The following POU6F2 variants were observed in gnomAD, a reference collection of about 807,000 sequenced individuals.
POU6F2 encodes POU domain, class 6, transcription factor 2.
Under a neutral mutation model 71.3 loss-of-function variants are expected in POU6F2, and 31 were observed. The ratio of observed to expected loss-of-function variants is 0.43; its 90% CI spans 0.33 to 0.59. The LOEUF is 0.59. Among genes scored for constraint, POU6F2 ranks in the 20% least tolerant of loss-of-function variants. POU6F2 has a pLI of 0.04. For synonymous variants in POU6F2, 347 were observed against 355.7 expected (o/e 0.98, Z 0.27); for missense variants, 783 against 856.8 (o/e 0.91, Z 1.07).
At chr7:39,351,439 A>G (rs1328562244) in intron 5 of POU6F2, among the ~76,000 whole-genome samples, 1 of 152,134 alleles carries the variant, frequency 6.6e-6, no homozygotes, top group Non-Finnish European at 1.5e-5. Flanking sequence ...AAAAGTTCAA[A>G]CCTGGTGATT....
intron 2 of POU6F2, among the ~76,000 whole-genome samples, chr7:39,137,679 C>T (rs1276678063): frequency 1.3e-5 from 2 of 152,234 alleles, no homozygotes; most frequent in East Asian, 3.8e-4. Flanking sequence ...GATGTCATTT[C>T]ATGCCCAGCT....
At chr7:39,320,015 CTATT>C in intron 4 of POU6F2, among the ~76,000 whole-genome samples, 1 of 152,294 alleles carries the variant, frequency 6.6e-6, no homozygotes, top group Admixed American at 6.5e-5. Context: ...CTAGGCTAGA[CTATT>C]TAAACATGAC....
rs575518224 is a variant in POU6F2 at position 39,370,506 on chromosome 7, C to G, written c.972+30491C>G. On this transcript the variant is annotated intron_variant, in intron 5 of 9. Coordinates refer to ENST00000518318, the MANE Select transcript of POU6F2 (RefSeq NM_001370959.1). ...GAAGAGCCAGAGGAAGACATTGGTG[C>G]GTGTGCTCCTGGATGTCTGAATCAG... 4.0e-5 allele frequency among the ~76,000 whole-genome samples: 6 copies of G among 149,992 alleles called. No homozygotes were observed. In the East Asian group the frequency reaches 5.8e-4, roughly 14 times the overall value.
At chr7:39,193,458 T>C (rs1178522691) in intron 2 of POU6F2, among the ~76,000 whole-genome samples, 1 of 152,370 alleles carries the variant, frequency 6.6e-6, no homozygotes, top group South Asian at 2.1e-4. Context: ...GTGGTCTGTC[T>C]TTTTGAAATA....
chr7:39,002,610 G>T (rs1584490811), intron 1 of POU6F2, among the ~76,000 whole-genome samples: 1 of 152,242 alleles, frequency 6.6e-6, no homozygotes, highest in East Asian at 1.9e-4. Flanking sequence ...GCCTCCCAAA[G>T]TGCTGGGATT....
chr7:39,066,683 A>G (rs974390683), intron 1 of POU6F2, among the ~76,000 whole-genome samples: 62 of 151,164 alleles, frequency 4.1e-4, no homozygotes, highest in African/African-American at 1.4e-3. Flanking sequence ...GCAAGTGTTG[A>G]TGGTAACACT....
chr7:39,042,364 C>G (rs1217662796), intron 1 of POU6F2, among the ~76,000 whole-genome samples: 1 of 151,892 alleles, frequency 6.6e-6, no homozygotes, highest in Non-Finnish European at 1.5e-5. Context: ...TGAGTTCTGG[C>G]CACTGGACTG....
chr7:39,109,629 T>C (rs185302656), intron 2 of POU6F2, among the ~76,000 whole-genome samples: 1 of 152,306 alleles, frequency 6.6e-6, no homozygotes, highest in Admixed American at 6.5e-5. Flanking sequence ...AAAAGTATTG[T>C]TTAGTTTGAT....
chr7:39,197,143 C>A (rs969588592), intron 2 of POU6F2, among the ~76,000 whole-genome samples: 3 of 152,170 alleles, frequency 2.0e-5, no homozygotes, highest in Non-Finnish European at 1.5e-5. Flanking sequence ...TCCTCACCTC[C>A]CCAGGACAGG....
chr7:39,359,018 G>A (rs1489275117), intron 5 of POU6F2, among the ~76,000 whole-genome samples: 1 of 152,122 alleles, frequency 6.6e-6, no homozygotes, highest in African/African-American at 2.4e-5. Flanking sequence ...ATAGATCTGT[G>A]AGTCTTATTC....
chr7:39,098,667 T>A (rs1791506798), intron 2 of POU6F2, among the ~76,000 whole-genome samples: 1 of 152,218 alleles, frequency 6.6e-6, no homozygotes, highest in East Asian at 1.9e-4. Flanking sequence ...TTTCACTGGC[T>A]GGGTAAGGTA....
chr7:38,998,818 T>TA (rs1788815916), intron 1 of POU6F2, among the ~76,000 whole-genome samples: 1 of 99,568 alleles, frequency 1.0e-5, no homozygotes, highest in Non-Finnish European at 2.2e-5. Flanking sequence ...CCCGGCTAAT[T>TA]TTTTTTTTTT....
chr7:39,281,211 A>T (rs765133506), intron 4 of POU6F2, among the ~76,000 whole-genome samples: 1 of 152,120 alleles, frequency 6.6e-6, no homozygotes, highest in Non-Finnish European at 1.5e-5. Context: ...GTATAGTGTG[A>T]TGTCTTGATA....
intron 7 of POU6F2, among the ~76,000 whole-genome samples, chr7:39,441,978 A>T (rs1277519649): frequency 2.0e-5 from 3 of 152,352 alleles, no homozygotes; most frequent in African/African-American, 7.2e-5. Context: ...GAAAGTCCCA[A>T]TATTATCATT....
At chr7:39,279,391 T>C (rs991614286) in intron 4 of POU6F2, among the ~76,000 whole-genome samples, 7 of 152,214 alleles carry the variant, frequency 4.6e-5, no homozygotes, top group African/African-American at 1.7e-4. Flanking sequence ...AGTTTCTGCA[T>C]CTGCGAAATA....
intron 2 of POU6F2, among the ~76,000 whole-genome samples, chr7:39,182,234 C>G (rs1793448580): frequency 6.6e-6 from 1 of 151,630 alleles, no homozygotes; most frequent in South Asian, 2.1e-4. Context: ...GATTTTATTC[C>G]ACTTCATTCT....
chr7:39,305,502 C>T (rs566828420), intron 4 of POU6F2, among the ~76,000 whole-genome samples: 1 of 152,324 alleles, frequency 6.6e-6, no homozygotes, highest in Non-Finnish European at 1.5e-5. Flanking sequence ...AGTTAGCCTA[C>T]TCACAAGCAT....
intron 1 of POU6F2, among the ~76,000 whole-genome samples, chr7:39,010,917 A>G (rs1789262004): frequency 6.6e-6 from 1 of 151,632 alleles, no homozygotes; most frequent in African/African-American, 2.4e-5. Flanking sequence ...GTTCTTTTAC[A>G]TTTGCTGAGG....
chr7:39,021,580 A>G (rs1789681297), intron 1 of POU6F2, among the ~76,000 whole-genome samples: 1 of 152,002 alleles, frequency 6.6e-6, no homozygotes, highest in Non-Finnish European at 1.5e-5. Context: ...AAGTTATAAA[A>G]CCATATTGTT....
Sources: allele counts gnomAD v4.1 joint callset (sites outside exome capture counted in the v4.1 genomes callset), GRCh38; gene constraint gnomAD v4.1.1; transcripts MANE v1.5; gene names NCBI Gene and HGNC (gene_info 2026-07-23, HGNC 2026-07-21).